GRAMD4: variants seen among roughly 807,000 people sequenced by gnomAD.
GRAMD4 encodes the protein GRAM domain-containing protein 4.
GRAMD4 carries 25 observed loss-of-function variants against 83.9 expected under a neutral mutation model. The observed-to-expected ratio is 0.30, with a 90% confidence interval of 0.22 to 0.42. GRAMD4 has a LOEUF of 0.42. GRAMD4 is among the 10% of genes least tolerant of loss of function. The pLI, the probability that GRAMD4 is intolerant of heterozygous loss-of-function variation, is 1.00. For synonymous variants in GRAMD4, 336 were observed against 320.9 expected (o/e 1.05, Z -0.50); for missense variants, 593 against 788.7 (o/e 0.75, Z 2.97).
At chr22:46,641,262 G>A (rs1444439399) in intron 3 of GRAMD4, among the ~76,000 whole-genome samples, 1 of 152,136 alleles carries the variant, frequency 6.6e-6, no homozygotes, top group East Asian at 1.9e-4. Context: ...TAATAGAGAT[G>A]GGGTTTCACC....
In GRAMD4 at chr22:46,668,138, C is replaced by T; in HGVS notation, c.901C>T (p.Leu301=). 6.2e-7 allele frequency: 1 copy of T among 1,612,146 alleles called. No homozygotes were observed. Among genetic ancestry groups the T allele is most frequent in the Non-Finnish European group, 8.5e-7 (1 of 1,179,428 alleles). ...CCTGACTGTGTCTGAGAAGTTCCAG[C>T]TGGTGCTGGACGTCGCCCAGAAAGC... is the stretch of plus-strand genomic sequence containing the variant. ...EDLTVSEKFQ[L]VLDVAQKAQN... Residue 301 remains leucine, a synonymous_variant, in exon 11 of 19, where the codon CTG becomes TTG. Transcript: ENST00000406902.
chr22:46,630,910 C>T (rs935868639), intron 2 of GRAMD4, among the ~76,000 whole-genome samples: 2 of 149,542 alleles, frequency 1.3e-5, no homozygotes, highest in Non-Finnish European at 3.0e-5. Context: ...GCAGTGTGCC[C>T]TCCATAGCTC....
rs898466160 is a variant in GRAMD4, at chr22:46,620,512, C to A, written c.-103C>A. 2.0e-6 allele frequency: 2 copies of A among 980,348 alleles called. No individual in the cohort carries two copies. The highest frequency in any genetic ancestry group is 2.4e-6 in the Non-Finnish European group (2 of 829,008). 60.7% of individuals were successfully genotyped at this position (980,348 alleles called of 1,614,324 possible). Reference sequence around the variant, plus strand: ...AGCACATCCTGGTTCTGGGCCAGGACCTGAAGGAGCCACAGTGAAAGAGTG... The same window carrying A: ...AGCACATCCTGGTTCTGGGCCAGGAACTGAAGGAGCCACAGTGAAAGAGTG... On this transcript the variant is annotated 5_prime_UTR_variant, in exon 1 of 19. Coordinates refer to ENST00000406902, the MANE Select transcript of GRAMD4 (RefSeq NM_015124.5). This position sits in a 1 kb window ranked among gnomAD's most constrained non-coding sequence, Gnocchi z 4.7.
At chr22:46,592,237 C>T (rs949607601) in intron 1 of GRAMD4, among the ~76,000 whole-genome samples, 5 of 152,186 alleles carry the variant, frequency 3.3e-5, no homozygotes, top group African/African-American at 1.2e-4. Context: ...GCCCAGCTGG[C>T]ATAATTGATA....
intron 8 of GRAMD4, 44 bp downstream of exon 8, chr22:46,664,161 C>T (rs374734336): frequency 1.1e-5 from 15 of 1,377,514 alleles, no homozygotes; most frequent in Non-Finnish European, 1.3e-5. Flanking sequence ...GTGGGATGTG[C>T]CTGCCAGCAT....
At chr22:46,591,891 C>T (rs1284753566) in intron 1 of GRAMD4, among the ~76,000 whole-genome samples, 1 of 143,426 alleles carries the variant, frequency 7.0e-6, no homozygotes, top group Non-Finnish European at 1.5e-5. Flanking sequence ...AGCCCCCGCA[C>T]CCCTCAGTTA....
intron 1 of GRAMD4, among the ~76,000 whole-genome samples, chr22:46,589,674 C>T (rs140367141): frequency 6.2e-4 from 95 of 152,250 alleles, no homozygotes; most frequent in African/African-American, 2.1e-3. Flanking sequence ...ACCCCCCAGT[C>T]CCGCTCTGTT....
At chr22:46,643,769 C>T (rs1261022118) in intron 3 of GRAMD4, among the ~76,000 whole-genome samples, 1 of 152,178 alleles carries the variant, frequency 6.6e-6, no homozygotes, top group African/African-American at 2.4e-5. Flanking sequence ...CGATTATGTC[C>T]GGGTGCCACA....
chr22:46,677,689 CCCTT>C lies in GRAMD4; in HGVS notation c.*442_*445del. 1 of 988,568 alleles carries C rather than the reference CCCTT, an allele frequency of 1.0e-6. No individual in the cohort carries two copies. Among genetic ancestry groups the C allele is most frequent in the Non-Finnish European group, 1.2e-6 (1 of 831,864 alleles). The allele number at this position is 988,568 out of a possible 1,614,324, so 61.2% of individuals were successfully genotyped here. A position where few individuals can be genotyped will look rare whatever the true frequency, so the allele number is the denominator to read the frequency against. On this transcript the variant is annotated 3_prime_UTR_variant, in exon 19 of 19. Transcript: ENST00000406902. ...AAAGCCATAGCTGAAGAGTGCGGGG[CCCTT>C]CCTCCTGGGGACAGAAAGATGTCGT...
intron 1 of GRAMD4, among the ~76,000 whole-genome samples, chr22:46,591,495 A>G (rs2081207455): frequency 6.6e-6 from 1 of 152,166 alleles, no homozygotes; most frequent in African/African-American, 2.4e-5. Context: ...TCCATGAGGC[A>G]GAGGCTAACG....
intron 1 of GRAMD4, among the ~76,000 whole-genome samples, chr22:46,610,160 C>T (rs540648077): frequency 1.3e-5 from 2 of 152,330 alleles, no homozygotes; most frequent in South Asian, 4.1e-4. Flanking sequence ...TTATTCCTCA[C>T]CCTTCCCTTA....
At chr22:46,667,417 A>G (rs929293045) in intron 10 of GRAMD4, among the ~76,000 whole-genome samples, 4 of 152,260 alleles carry the variant, frequency 2.6e-5, no homozygotes, top group Admixed American at 6.5e-5. Flanking sequence ...TTATTGGCAC[A>G]TAGACACACC....
chr22:46,613,425 G>A (rs188877273), intron 1 of GRAMD4, among the ~76,000 whole-genome samples: 152 of 152,378 alleles, frequency 1.0e-3, no homozygotes, highest in African/African-American at 3.3e-3. Context: ...AGCCCCATTC[G>A]GTGCTGGAGG....
chr22:46,648,005 A>G (rs2082095714), intron 3 of GRAMD4, among the ~76,000 whole-genome samples: 1 of 152,258 alleles, frequency 6.6e-6, no homozygotes, highest in Non-Finnish European at 1.5e-5. Context: ...GTGATTTCCA[A>G]GGGCCTGGGC....
At chr22:46,658,390 C>T in intron 4 of GRAMD4, 83 bp downstream of exon 4, 1 of 1,307,070 alleles carries the variant, frequency 7.7e-7, no homozygotes, top group African/African-American at 1.5e-5. Context: ...CTCTGCTGCA[C>T]CCATAGCGTC....
chr22:46,680,178 T>C (rs1447848205), downstream of GRAMD4, among the ~76,000 whole-genome samples: 1 of 152,174 alleles, frequency 6.6e-6, no homozygotes. Context: ...CCTCTCCACT[T>C]TGGTGTCCTG....
At chr22:46,616,077 T>C (rs886082526), upstream of GRAMD4, among the ~76,000 whole-genome samples, 2 of 131,224 alleles carry the variant, frequency 1.5e-5, no homozygotes, top group Non-Finnish European at 3.2e-5. Flanking sequence ...CGTGTGTAGG[T>C]TCCCCCAAGC....
Position 46,668,738 on chromosome 22 carries a change from TCCCGC to T in GRAMD4, c.974+10_974+14del. ...ATCCTGGAGAAGATCAAGAAGTAAG[TCCCGC>T]CCCCCACCCCGGCCCTGCGGCGCCC... On this transcript the variant is annotated splice_region_variant and intron_variant, in intron 12 of 18. Coordinates refer to ENST00000406902, the MANE Select transcript of GRAMD4 (RefSeq NM_015124.5). The T allele has an allele frequency of 1.2e-6, 1 of 817,936 alleles. No homozygotes were observed. The highest frequency in any genetic ancestry group is 2.0e-6 in the Non-Finnish European group (1 of 503,720). The allele number at this position is 817,936 out of a possible 1,614,324, so 50.7% of individuals were successfully genotyped here.
chr22:46,578,889 C>G (rs1292810715), intron 1 of GRAMD4, among the ~76,000 whole-genome samples: 3 of 152,222 alleles, frequency 2.0e-5, no homozygotes, highest in Non-Finnish European at 4.4e-5. Flanking sequence ...CTCGAAGCCC[C>G]ACAGTCCTCA....
Sources: gnomAD v4.1 joint callset for allele counts (sites outside exome capture counted in the v4.1 genomes callset) on GRCh38, gnomAD v4.1.1 for gene constraint, Gnocchi (gnomAD v3.1) non-coding constraint, MANE v1.5 for transcripts, NCBI Gene and HGNC (gene_info 2026-07-23, HGNC 2026-07-21) for gene names.